MYCT1: variants seen among roughly 807,000 people sequenced by gnomAD.
The protein encoded by MYCT1 is MYC target 1, also known as myc target protein 1.
In MYCT1, 12 loss-of-function variants were observed where a neutral mutation model predicts 15.0. The ratio of observed to expected loss-of-function variants is 0.80; its 90% CI spans 0.51 to 1.29. MYCT1 has a LOEUF of 1.29. MYCT1 is among the 50% of genes most tolerant of loss of function. The probability of loss-of-function intolerance (pLI) is 0.00; values close to 1 mark genes in which losing one functional copy is unlikely to be tolerated. For missense variants in MYCT1, 287 were observed against 279.1 expected (o/e 1.03, Z -0.20); for synonymous variants, 104 against 102.7 (o/e 1.01, Z -0.07).
At chr6:152,738,845 T>G in the MYCT1 span, among the ~76,000 whole-genome samples, 1 of 152,050 alleles carries the variant, frequency 6.6e-6, no homozygotes, top group Non-Finnish European at 1.5e-5. Context: ...AGAACAAAAT[T>G]TTAGTTTTGT....
At chr6:152,701,938 C>T (rs994299123) in intron 1 of MYCT1, among the ~76,000 whole-genome samples, 1 of 152,148 alleles carries the variant, frequency 6.6e-6, no homozygotes. Context: ...TGCCCTTGGC[C>T]TGGATGCAGT....
chr6:152,701,994 C>T (rs959257912), intron 1 of MYCT1, among the ~76,000 whole-genome samples: 30 of 152,144 alleles, frequency 2.0e-4, no homozygotes, highest in Admixed American at 1.8e-3. Context: ...ATCTGCCCTT[C>T]AGATACCCAA....
In MYCT1 at chr6:152,705,816, A is replaced by G. The variant is rs907661340; in HGVS notation, c.196+7718A>G. 2.2e-4 allele frequency: 147 copies of G among 675,712 alleles called. No homozygotes were observed. The East Asian group carries it at 3.9e-3, about 18-fold the overall frequency. 41.9% of individuals were successfully genotyped at this position (675,712 alleles called of 1,614,324 possible). A position where few individuals can be genotyped will look rare whatever the true frequency, so the allele number is the denominator to read the frequency against. ...AACTGGTATGGAAATTATTAAAAGA[A>G]CACTCAAAATTCCAGCAATGACCAT... On this transcript the variant is annotated intron_variant, in intron 1 of 1. Transcript: ENST00000367245.
intron 1 of MYCT1, among the ~76,000 whole-genome samples, chr6:152,717,955 T>C (rs1338756446): frequency 6.6e-6 from 1 of 152,160 alleles, no homozygotes; most frequent in African/African-American, 2.4e-5. Flanking sequence ...TGTGTATATA[T>C]TATTATTATG....
the MYCT1 span, among the ~76,000 whole-genome samples, chr6:152,734,060 C>T: frequency 6.6e-6 from 1 of 152,006 alleles, no homozygotes; most frequent in East Asian, 1.9e-4. Context: ...TCCATCAATC[C>T]TTCACCAGAA....
In MYCT1 at chr6:152,712,489, C is replaced by T. The variant is rs1204327346; in HGVS notation, c.197-9253C>T. 2.8e-5 allele frequency among the ~76,000 whole-genome samples: 2 copies of T among 72,268 alleles called. 1 individual carries two copies. Among genetic ancestry groups the T allele is most frequent in the Non-Finnish European group, 6.6e-5 (2 of 30,246 alleles). The allele number at this position is 72,268 out of a possible 152,430, so 47.4% of individuals were successfully genotyped here. A position where few individuals can be genotyped will look rare whatever the true frequency, so the allele number is the denominator to read the frequency against. ...GGCAATGCCTCGCCCTGCTTCGGCT[C>T]GCGCACGGTGCGCACACACACTGGC... On this transcript the variant is annotated intron_variant, in intron 1 of 1. Coordinates refer to ENST00000367245, the MANE Select transcript of MYCT1 (RefSeq NM_025107.3).
At chr6:152,745,862 C>T in the MYCT1 span, among the ~76,000 whole-genome samples, 7 of 152,130 alleles carry the variant, frequency 4.6e-5, no homozygotes, top group African/African-American at 1.7e-4. Context: ...GTTTGTCTCC[C>T]GTACCATTAT....
the MYCT1 span, among the ~76,000 whole-genome samples, chr6:152,740,429 C>G: frequency 6.6e-6 from 1 of 152,134 alleles, no homozygotes; most frequent in Non-Finnish European, 1.5e-5. Context: ...TAGAAATTTG[C>G]TTCTTTTCTT....
the MYCT1 span, among the ~76,000 whole-genome samples, chr6:152,730,863 A>C: frequency 1.8e-4 from 28 of 152,358 alleles, no homozygotes; most frequent in South Asian, 2.1e-4. Context: ...TAAATTGAGA[A>C]ATATGTGTCT....
rs1239204773 is a variant in MYCT1 at position 152,723,921 on chromosome 6, G to A, written c.*1668G>A. 6.6e-6 allele frequency: 1 copy of A among 152,066 alleles called. No individual in the cohort carries two copies. Among genetic ancestry groups the A allele is most frequent in the Admixed American group, 6.6e-5 (1 of 15,256 alleles). The allele number at this position is 152,066 out of a possible 1,614,324, so 9.4% of individuals were successfully genotyped here. A position where few individuals can be genotyped will look rare whatever the true frequency, so the allele number is the denominator to read the frequency against. On this transcript the variant is annotated 3_prime_UTR_variant, in exon 2 of 2. Coordinates refer to ENST00000367245, the MANE Select transcript of MYCT1 (RefSeq NM_025107.3). ...CCTCTTTTTCATTTCCTATTGCAGT[G>A]GTCACAGCTAATAGTGTCTGAACAT...
chr6:152,744,963 T>C, the MYCT1 span, among the ~76,000 whole-genome samples: 2 of 151,996 alleles, frequency 1.3e-5, no homozygotes, highest in East Asian at 1.9e-4. Context: ...GGCCAAGGAA[T>C]GGGTTGAAGA....
intron 1 of MYCT1, among the ~76,000 whole-genome samples, chr6:152,717,941 A>G (rs1337238992): frequency 6.6e-6 from 1 of 152,204 alleles, no homozygotes; most frequent in Admixed American, 6.5e-5. Flanking sequence ...ATAGCCTATT[A>G]TTGTGTGTAT....
chr6:152,708,297 G>A (rs1414056131), intron 1 of MYCT1, among the ~76,000 whole-genome samples: 10 of 151,882 alleles, frequency 6.6e-5, no homozygotes, highest in East Asian at 1.9e-4. Context: ...GTATATAAAC[G>A]TATTTTTATA....
At chr6:152,733,603 T>A in the MYCT1 span, among the ~76,000 whole-genome samples, 2 of 152,184 alleles carry the variant, frequency 1.3e-5, no homozygotes. Context: ...TTCAAGAAGT[T>A]GCTAGTCAGG....
chr6:152,719,931 C>T (rs1565394727), intron 1 of MYCT1, among the ~76,000 whole-genome samples: 1 of 152,084 alleles, frequency 6.6e-6, no homozygotes. Context: ...GTTTGGAACC[C>T]TTTATCAGAG....
At chr6:152,739,967 A>G in the MYCT1 span, among the ~76,000 whole-genome samples, 2,163 of 152,214 alleles carry the variant, frequency 0.014, 52 homozygotes, top group African/African-American at 0.05. Context: ...TTCTTAATTC[A>G]GAGTAAGAAG....
intron 1 of MYCT1, among the ~76,000 whole-genome samples, chr6:152,720,502 A>T (rs908458577): frequency 1.3e-5 from 2 of 152,208 alleles, no homozygotes; most frequent in African/African-American, 2.4e-5. Context: ...GACTACCTAC[A>T]TAAGCAATTA....
intron 1 of MYCT1, among the ~76,000 whole-genome samples, chr6:152,707,283 A>G (rs758744677): frequency 1.9e-4 from 29 of 151,874 alleles, no homozygotes; most frequent in Middle Eastern, 3.4e-3. Flanking sequence ...TCATCTACCT[A>G]TTGGTCATTT....
intron 1 of MYCT1, among the ~76,000 whole-genome samples, chr6:152,700,607 A>C (rs780802836): frequency 3.3e-5 from 5 of 152,142 alleles, no homozygotes; most frequent in Admixed American, 1.3e-4. Flanking sequence ...ACAGATGCAG[A>C]CTATCACCTT....
Sources: allele counts gnomAD v4.1 joint callset (sites outside exome capture counted in the v4.1 genomes callset), GRCh38; gene constraint gnomAD v4.1.1; transcripts MANE v1.5; gene names NCBI Gene and HGNC (gene_info 2026-07-23, HGNC 2026-07-21).